Variants in SPATA16 observed in about 807,000 individuals in gnomAD.
The protein encoded by SPATA16 is spermatogenesis-associated protein 16.
In SPATA16, 36 loss-of-function variants were observed where a neutral mutation model predicts 63.3. The ratio of observed to expected loss-of-function variants is 0.57; its 90% confidence interval spans 0.44 to 0.75. The LOEUF is 0.75. SPATA16 is among the 30% of genes least tolerant of loss of function. The pLI is 0.00. For missense variants in SPATA16, 646 were observed against 679.3 expected, an observed-to-expected ratio of 0.95 and a Z score of 0.54; for synonymous variants, 203 against 216.7, an observed-to-expected ratio of 0.94 and a Z score of 0.56.
intron 1 of SPATA16, among the ~76,000 whole-genome samples, chr3:173,127,502 C>T (rs753858711): frequency 3.3e-5 from 5 of 152,166 alleles, no homozygotes; most frequent in Non-Finnish European, 5.9e-5. Flanking sequence ...CTCTTTTACT[C>T]TGGAATAGTT....
At chr3:172,905,737 T>G (rs1276191766) in intron 10 of SPATA16, among the ~76,000 whole-genome samples, 1 of 151,636 alleles carries the variant, frequency 6.6e-6, no homozygotes, top group Non-Finnish European at 1.5e-5. Context: ...CAAAATAATT[T>G]TGAATAAATT....
At chr3:173,051,298 G>A (rs1487962309) in intron 2 of SPATA16, among the ~76,000 whole-genome samples, 1 of 152,180 alleles carries the variant, frequency 6.6e-6, no homozygotes, top group African/African-American at 2.4e-5. Flanking sequence ...TGCCTCCCGG[G>A]TTCAAGCGAT....
rs1732702893 is a variant in SPATA16, at chr3:172,925,317, G to C, written c.1228+29C>G. 3.7e-6 allele frequency: 6 copies of C among 1,613,156 alleles called. No individual in the cohort carries two copies. The Admixed American group carries it at 1.0e-4, about 27-fold the overall frequency. On this transcript the variant is annotated intron_variant, in intron 7 of 10. Transcript: ENST00000351008. ...CAAAACTCATCACAGGCTACTATAT[G>C]CTAGACCTTGTAGGTTCAGATGATT...
chr3:172,911,512 T>C (rs1397884374), intron 10 of SPATA16, among the ~76,000 whole-genome samples: 1 of 152,238 alleles, frequency 6.6e-6, no homozygotes, highest in African/African-American at 2.4e-5. Flanking sequence ...GCTTCTTCAG[T>C]TACCTAATTA....
chr3:173,091,423 T>C (rs543017273), intron 2 of SPATA16, among the ~76,000 whole-genome samples: 1 of 152,272 alleles, frequency 6.6e-6, no homozygotes, highest in Non-Finnish European at 1.5e-5. Flanking sequence ...TGCTTTCCAC[T>C]TCTTACTGAC....
Position 173,116,749 on chromosome 3 carries a change from A to T in SPATA16, c.612+371T>A, listed in dbSNP as rs9878629. Among the ~76,000 whole-genome samples the T allele has an allele frequency of 2.9e-3, 439 of 152,330 alleles. 2 individuals carry two copies. Among genetic ancestry groups the T allele is most frequent in the African/African-American group, 0.01 (422 of 41,592 alleles). On this transcript the variant is annotated intron_variant, in intron 2 of 10. Coordinates refer to ENST00000351008, the MANE Select transcript of SPATA16 (RefSeq NM_031955.6). ...CAATTCATATACTCATTAACTGCCT[A>T]TTTCTAGAGAATCTATATTCTACCC... is the stretch of plus-strand genomic sequence containing the variant.
chr3:173,006,313 G>T (rs898153753), intron 4 of SPATA16, among the ~76,000 whole-genome samples: 1 of 152,172 alleles, frequency 6.6e-6, no homozygotes, highest in African/African-American at 2.4e-5. Flanking sequence ...ACACTAAACT[G>T]CCCTGAGAAT....
chr3:173,108,766 A>G (rs1475283852), intron 2 of SPATA16, among the ~76,000 whole-genome samples: 1 of 152,070 alleles, frequency 6.6e-6, no homozygotes. Context: ...TATTTTCACT[A>G]TATCTTTTCT....
intron 3 of SPATA16, among the ~76,000 whole-genome samples, chr3:173,031,467 A>G (rs931266682): frequency 2.6e-5 from 4 of 152,048 alleles, no homozygotes; most frequent in East Asian, 3.9e-4. Flanking sequence ...TTGGCCTACA[A>G]TCAGAAAGAT....
intron 2 of SPATA16, among the ~76,000 whole-genome samples, chr3:173,062,044 A>ATTT (rs10618031): frequency 6.9e-5 from 8 of 115,536 alleles, no homozygotes; most frequent in South Asian, 2.8e-4. Flanking sequence ...GTGCTTCAAC[A>ATTT]TTTTTTTTTT....
Position 173,114,546 on chromosome 3 carries a change from C to A in SPATA16, c.612+2574G>T, listed in dbSNP as rs567918521. Among the ~76,000 whole-genome samples the A allele has an allele frequency of 2.0e-5, 3 of 152,272 alleles. No individual in the cohort carries two copies. The South Asian group carries it at 6.2e-4, about 32-fold the overall frequency. On this transcript the variant is annotated intron_variant, in intron 2 of 10. Coordinates refer to ENST00000351008, the MANE Select transcript of SPATA16 (RefSeq NM_031955.6). ...CCACTTCTTAGGAAAGGAGATATAA[C>A]CTGGCACCCTGACCATCATACCATA... is the stretch of plus-strand genomic sequence containing the variant.
chr3:173,008,768 GAAC>G (rs1364315613), intron 4 of SPATA16, among the ~76,000 whole-genome samples: 2 of 151,862 alleles, frequency 1.3e-5, no homozygotes, highest in East Asian at 3.8e-4. Flanking sequence ...ATATATTAAA[GAAC>G]AACAGTCATA....
intron 3 of SPATA16, among the ~76,000 whole-genome samples, chr3:173,041,979 A>G (rs1287175223): frequency 1.3e-5 from 2 of 152,154 alleles, no homozygotes; most frequent in Admixed American, 6.5e-5. Context: ...AGGTTATTGT[A>G]TTTAAAATAT....
In SPATA16 at chr3:172,924,403, T is replaced by G; in HGVS notation, c.1229-86A>C. ...TTCTTTAGCAAGCTATAAACGAATA[T>G]CTCAATATTAATAGATACAAAATCT... On this transcript the variant is annotated intron_variant, in intron 7 of 10. Transcript: ENST00000351008. 4.9e-6 allele frequency: 5 copies of G among 1,020,840 alleles called. No homozygotes were observed. The Admixed American group carries it at 9.3e-5, about 19-fold the overall frequency. The allele number at this position is 1,020,840 out of a possible 1,614,324, so 63.2% of individuals were successfully genotyped here.
chr3:173,094,868 TATTC>T (rs921381888), intron 2 of SPATA16, among the ~76,000 whole-genome samples: 5 of 152,286 alleles, frequency 3.3e-5, no homozygotes, highest in African/African-American at 1.2e-4. Flanking sequence ...ATTGAGCTTA[TATTC>T]AGCACCTGGT....
intron 3 of SPATA16, among the ~76,000 whole-genome samples, chr3:173,043,699 T>C (rs1169897832): frequency 6.6e-6 from 1 of 152,006 alleles, no homozygotes; most frequent in Non-Finnish European, 1.5e-5. Context: ...TTTTTGTAGT[T>C]CAAGTTTCAA....
intron 4 of SPATA16, among the ~76,000 whole-genome samples, chr3:172,998,901 G>C (rs1734754076): frequency 6.6e-6 from 1 of 152,058 alleles, no homozygotes; most frequent in Non-Finnish European, 1.5e-5. Flanking sequence ...CATTCCACTT[G>C]ATAAAGGAGT....
At chr3:172,906,295 A>G (rs16846245) in intron 10 of SPATA16, among the ~76,000 whole-genome samples, 14,842 of 152,242 alleles carry the variant, frequency 0.097, 831 homozygotes, top group African/African-American at 0.15. Context: ...TAACTTGCCC[A>G]CTGTCCTGTG....
At chr3:173,024,593 A>G (rs1204094707) in intron 3 of SPATA16, among the ~76,000 whole-genome samples, 1 of 150,858 alleles carries the variant, frequency 6.6e-6, no homozygotes, top group East Asian at 2.0e-4. Flanking sequence ...AAAGTGAATA[A>G]TAAAATAAAA....
Sources: allele counts gnomAD v4.1 joint callset (sites outside exome capture counted in the v4.1 genomes callset), GRCh38; gene constraint gnomAD v4.1.1; transcripts MANE v1.5; gene names NCBI Gene and HGNC (gene_info 2026-07-23, HGNC 2026-07-21).